Variants in DOCK9 observed in about 807,000 individuals in gnomAD.
DOCK9 encodes the protein dedicator of cytokinesis protein 9.
A neutral mutation model predicts 263.3 loss-of-function variants in DOCK9; 89 were observed. The observed-to-expected ratio is 0.34, with a 90% CI of 0.28 to 0.40. The LOEUF (loss-of-function observed/expected upper bound fraction) is 0.40. Ranked by LOEUF, DOCK9 falls within the 10% of genes least tolerant of loss-of-function variation. DOCK9 has a pLI of 1.00. For synonymous variants in DOCK9, 976 were observed against 973.1 expected (o/e 1.00, Z -0.06); for missense variants, 2,140 against 2,603.4 (o/e 0.82, Z 3.87).
chr13:98,951,685 G>A (rs549053902), intron 2 of DOCK9, among the ~76,000 whole-genome samples: 1 of 152,282 alleles, frequency 6.6e-6, no homozygotes, highest in East Asian at 1.9e-4. Flanking sequence ...AGACAATATG[G>A]GATTTCAAGT....
chr13:98,843,747 A>G (rs1477586314), intron 38 of DOCK9, among the ~76,000 whole-genome samples: 1 of 152,186 alleles, frequency 6.6e-6, no homozygotes, highest in Non-Finnish European at 1.5e-5. Context: ...GAAATAAACC[A>G]TGTTAACAAG....
At chr13:99,046,219 C>T (rs566095042) in intron 1 of DOCK9, among the ~76,000 whole-genome samples, 2 of 152,184 alleles carry the variant, frequency 1.3e-5, no homozygotes, top group African/African-American at 2.4e-5. Context: ...AGGCTCAGCA[C>T]GGGGCAGAAC....
upstream of DOCK9, among the ~76,000 whole-genome samples, chr13:98,979,696 G>A (rs1850741683): frequency 6.6e-6 from 1 of 151,952 alleles, no homozygotes; most frequent in African/African-American, 2.4e-5. Context: ...CCAAATCTGT[G>A]TTCCAAAATA....
intron 15 of DOCK9, among the ~76,000 whole-genome samples, chr13:98,894,989 C>T (rs1176718756): frequency 1.6e-5 from 2 of 126,098 alleles, no homozygotes; most frequent in South Asian, 2.6e-4. Context: ...AAAAAATTAG[C>T]GGGGCGTGGC....
chr13:98,905,169 G>GA (rs2139581590), intron 9 of DOCK9, among the ~76,000 whole-genome samples: 1 of 152,298 alleles, frequency 6.6e-6, no homozygotes, highest in African/African-American at 2.4e-5. Flanking sequence ...GCAAGAAGGG[G>GA]AAGAGGAAGG....
At chr13:98,845,269 G>T in intron 38 of DOCK9, 1 of 1,225,452 alleles carries the variant, frequency 8.2e-7, no homozygotes, top group Non-Finnish European at 1.1e-6. Flanking sequence ...GAACAAAAAG[G>T]GTCTTGGCTT....
intron 2 of DOCK9, among the ~76,000 whole-genome samples, chr13:98,953,339 T>C (rs2057665080): frequency 6.6e-6 from 1 of 152,198 alleles, no homozygotes; most frequent in Non-Finnish European, 1.5e-5. Flanking sequence ...TCCTAGAATA[T>C]TTGTGCCTGC....
intron 38 of DOCK9, among the ~76,000 whole-genome samples, chr13:98,844,623 C>T (rs2093335279): frequency 1.0e-5 from 1 of 96,130 alleles, no homozygotes; most frequent in Non-Finnish European, 2.1e-5. Context: ...GCTTGGCCAC[C>T]AGCAGCTTGG....
chr13:98,989,160 C>A (rs1392874517), intron 1 of DOCK9, among the ~76,000 whole-genome samples: 1 of 152,086 alleles, frequency 6.6e-6, no homozygotes, highest in Non-Finnish European at 1.5e-5. Flanking sequence ...GGAAGGTTCT[C>A]CTCTTTCATG....
chr13:98,988,973 AC>A (rs1228548009), intron 1 of DOCK9, among the ~76,000 whole-genome samples: 1 of 152,142 alleles, frequency 6.6e-6, no homozygotes, highest in African/African-American at 2.4e-5. Flanking sequence ...CCCTTCAGCC[AC>A]TGTCTTCAGG....
intron 2 of DOCK9, among the ~76,000 whole-genome samples, chr13:98,936,977 A>G (rs1204848339): frequency 2.0e-5 from 3 of 152,220 alleles, no homozygotes; most frequent in Non-Finnish European, 4.4e-5. Context: ...CTTCTCAACA[A>G]TAAGTCAAGT....
chr13:98,821,782 T>C (rs1391392866), intron 45 of DOCK9, among the ~76,000 whole-genome samples: 1 of 152,228 alleles, frequency 6.6e-6, no homozygotes, highest in Non-Finnish European at 1.5e-5. Flanking sequence ...TGAGACCTGC[T>C]GCTAAGAGAA....
intron 22 of DOCK9, among the ~76,000 whole-genome samples, chr13:98,883,511 G>A (rs2045181880): frequency 6.6e-6 from 1 of 152,172 alleles, no homozygotes; most frequent in South Asian, 2.1e-4. Context: ...CCTCCAAAAT[G>A]CTAGGATTAC....
intron 1 of DOCK9, among the ~76,000 whole-genome samples, chr13:98,991,038 T>C (rs962822237): frequency 3.3e-5 from 5 of 152,010 alleles, no homozygotes; most frequent in African/African-American, 7.3e-5. Flanking sequence ...AAGAGTACGA[T>C]GTCTGAAAGT....
intron 7 of DOCK9, 122 bp from the exon 8 acceptor site, chr13:98,915,625 G>T: frequency 1.1e-6 from 1 of 913,648 alleles, no homozygotes; most frequent in Non-Finnish European, 1.6e-6. Flanking sequence ...ATTTTAAATA[G>T]CTTGCCCCCT....
chr13:99,040,218 C>T (rs1379547781), intron 1 of DOCK9, among the ~76,000 whole-genome samples: 3 of 152,232 alleles, frequency 2.0e-5, no homozygotes, highest in Non-Finnish European at 2.9e-5. Flanking sequence ...GCAAGAAAGC[C>T]CTCACCAGGC....
At chr13:99,054,791 G>A (rs2040845169) in intron 1 of DOCK9, among the ~76,000 whole-genome samples, 1 of 152,226 alleles carries the variant, frequency 6.6e-6, no homozygotes, top group Non-Finnish European at 1.5e-5. Context: ...TCAGGCTGAA[G>A]TTAAGGGATG....
intron 52 of DOCK9, chr13:98,796,209 C>A: frequency 6.3e-7 from 1 of 1,586,558 alleles, no homozygotes. Flanking sequence ...ACATTACCAT[C>A]CCAGCTGAAC....
At chr13:99,028,808 A>G (rs1002476363) in intron 1 of DOCK9, among the ~76,000 whole-genome samples, 1 of 152,140 alleles carries the variant, frequency 6.6e-6, no homozygotes, top group African/African-American at 2.4e-5. Context: ...TTTGTGTGAG[A>G]ATGTTTATAT....
Sources: allele counts gnomAD v4.1 joint callset (sites outside exome capture counted in the v4.1 genomes callset), GRCh38; gene constraint gnomAD v4.1.1; transcripts MANE v1.5; gene names NCBI Gene and HGNC (gene_info 2026-07-23, HGNC 2026-07-21).